Variants in COL5A2 observed in about 807,000 individuals in gnomAD.
COL5A2 encodes the protein collagen type V alpha 2 chain.
In COL5A2, 23 loss-of-function variants were observed where a neutral mutation model predicts 208.2. The ratio of observed to expected loss-of-function variants is 0.11; its 90% CI spans 0.08 to 0.16. The LOEUF (loss-of-function observed/expected upper bound fraction) is 0.16, where lower values mean the gene tolerates loss of function less well. Ranked by LOEUF, COL5A2 falls within the 10% of genes least tolerant of loss-of-function variation. The pLI is 1.00. For missense variants in COL5A2, 1,590 were observed against 1,956.4 expected (o/e 0.81, Z 3.53); for synonymous variants, 625 against 628.5 (o/e 0.99, Z 0.08).
At chr2:189,164,611 C>T (rs1688432191) in intron 1 of COL5A2, among the ~76,000 whole-genome samples, 1 of 151,888 alleles carries the variant, frequency 6.6e-6, no homozygotes, top group Non-Finnish European at 1.5e-5. Flanking sequence ...TTTTATTTTG[C>T]ATTTAGCTAA....
chr2:189,423,236 A>T, the COL5A2 span, among the ~76,000 whole-genome samples: 1 of 151,836 alleles, frequency 6.6e-6, no homozygotes, highest in African/African-American at 2.4e-5. Flanking sequence ...GGATATAACA[A>T]AAGCAGTTTT....
the COL5A2 span, among the ~76,000 whole-genome samples, chr2:189,254,334 A>C: frequency 6.6e-6 from 1 of 152,234 alleles, no homozygotes; most frequent in Non-Finnish European, 1.5e-5. Flanking sequence ...AGGCATCTGA[A>C]TGTTTTACAA....
At chr2:189,099,356 A>T (rs2105688285) in intron 4 of COL5A2, among the ~76,000 whole-genome samples, 1 of 152,302 alleles carries the variant, frequency 6.6e-6, no homozygotes, top group South Asian at 2.1e-4. Flanking sequence ...TGACAGACTG[A>T]TGATAACACC....
At chr2:189,152,888 G>T (rs1376196915) in intron 1 of COL5A2, among the ~76,000 whole-genome samples, 1 of 152,058 alleles carries the variant, frequency 6.6e-6, no homozygotes, top group African/African-American at 2.4e-5. Context: ...GCTTGGAACT[G>T]GTTGGTTTGG....
chr2:189,246,102 G>GA, the COL5A2 span, among the ~76,000 whole-genome samples: 23 of 151,652 alleles, frequency 1.5e-4, 1 homozygote, highest in African/African-American at 4.6e-4. Flanking sequence ...TTTTATCTCT[G>GA]AAAAAAAACA....
At chr2:189,087,629 ATT>A (rs528975622) in intron 8 of COL5A2, among the ~76,000 whole-genome samples, 17,008 of 120,494 alleles carry the variant, frequency 0.14, 1,139 homozygotes, top group Middle Eastern at 0.21. Context: ...ATTGTTTTGT[ATT>A]TTTTTTTTTT....
At chr2:189,167,669 T>TTTTA in intron 1 of COL5A2, among the ~76,000 whole-genome samples, 1 of 151,312 alleles carries the variant, frequency 6.6e-6, no homozygotes, top group Admixed American at 6.6e-5. Flanking sequence ...AAGTGATTTT[T>TTTTA]TTTTTTTTTT....
the COL5A2 span, among the ~76,000 whole-genome samples, chr2:189,433,761 G>C: frequency 6.6e-6 from 1 of 152,062 alleles, no homozygotes; most frequent in Non-Finnish European, 1.5e-5. Context: ...ATACAAGGAG[G>C]AACTGGTACC....
the COL5A2 span, among the ~76,000 whole-genome samples, chr2:189,399,451 A>G: frequency 4.6e-5 from 7 of 151,910 alleles, no homozygotes; most frequent in African/African-American, 1.7e-4. Flanking sequence ...GGAGCTCACC[A>G]TGTTGGCCAG....
rs570436556 is a variant in COL5A2, at chr2:189,148,924, G to C, written c.97+30584C>G. ...GGAGGCCGAGGCAGGTGGATCACTTGAGGTCAGGAGTTGGAGACCAGCTTG... is the reference window on the plus strand; with the variant it reads ...GGAGGCCGAGGCAGGTGGATCACTTCAGGTCAGGAGTTGGAGACCAGCTTG... On this transcript the variant is annotated intron_variant, in intron 1 of 53. Coordinates refer to ENST00000374866, the MANE Select transcript of COL5A2 (RefSeq NM_000393.5). 2.0e-5 allele frequency among the ~76,000 whole-genome samples: 3 copies of C among 152,146 alleles called. No individual in the cohort carries two copies. In the South Asian group the frequency reaches 6.2e-4, roughly 32 times the overall value.
the COL5A2 span, among the ~76,000 whole-genome samples, chr2:189,401,820 A>C: frequency 6.6e-6 from 1 of 152,122 alleles, no homozygotes; most frequent in Non-Finnish European, 1.5e-5. Flanking sequence ...TCTAATGATC[A>C]GTGATGTTGA....
intron 3 of COL5A2, among the ~76,000 whole-genome samples, chr2:189,103,108 CTCTA>C (rs74637688): frequency 0.13 from 19,933 of 152,032 alleles, 1,318 homozygotes; most frequent in Middle Eastern, 0.19. Flanking sequence ...TGGTCTGTCT[CTCTA>C]TCTGTCTATC....
At chr2:189,083,335 G>C (rs1171416127) in intron 12 of COL5A2, among the ~76,000 whole-genome samples, 1 of 152,154 alleles carries the variant, frequency 6.6e-6, no homozygotes, top group Non-Finnish European at 1.5e-5. Flanking sequence ...TTGGATTCTG[G>C]TGGAGTAGTT....
chr2:189,347,692 C>G, the COL5A2 span, among the ~76,000 whole-genome samples: 3 of 152,140 alleles, frequency 2.0e-5, no homozygotes, highest in Non-Finnish European at 4.4e-5. Flanking sequence ...AGTTAAGATT[C>G]CTGCCAAACC....
the COL5A2 span, among the ~76,000 whole-genome samples, chr2:189,439,461 T>C: frequency 6.6e-6 from 1 of 152,152 alleles, no homozygotes; most frequent in African/African-American, 2.4e-5. Flanking sequence ...ACTGTGAGCA[T>C]AAGGACAAAA....
the COL5A2 span, among the ~76,000 whole-genome samples, chr2:189,366,962 T>A: frequency 6.6e-6 from 1 of 152,122 alleles, no homozygotes; most frequent in African/African-American, 2.4e-5. Context: ...CACCAGAAAC[T>A]CTCCCGAAGG....
At chr2:189,072,146 T>C in intron 17 of COL5A2, 53 bp from the exon 18 acceptor site, 1 of 1,278,860 alleles carries the variant, frequency 7.8e-7, no homozygotes, top group Non-Finnish European at 1.1e-6. Context: ...TAGTATCTAA[T>C]TAGGTCATTT....
the COL5A2 span, among the ~76,000 whole-genome samples, chr2:189,254,948 A>C: frequency 0.015 from 2,252 of 152,274 alleles, 58 homozygotes; most frequent in African/African-American, 0.051. Context: ...GCTACCCACA[A>C]GTGGTTGTTA....
intron 44 of COL5A2, among the ~76,000 whole-genome samples, chr2:189,049,104 T>C (rs13383366): frequency 6.6e-6 from 1 of 152,106 alleles, no homozygotes; most frequent in African/African-American, 2.4e-5. Context: ...ACAGCTTAAA[T>C]GAACTAAAAT....
Sources: gnomAD v4.1 joint callset for allele counts (sites outside exome capture counted in the v4.1 genomes callset) on GRCh38, gnomAD v4.1.1 for gene constraint, MANE v1.5 for transcripts, NCBI Gene and HGNC (gene_info 2026-07-23, HGNC 2026-07-21) for gene names.